Variants in RSF1 observed in about 807,000 individuals in gnomAD.
RSF1 encodes HBV pX-associated protein 8.
RSF1 carries 13 observed loss-of-function variants against 145.2 expected under a neutral mutation model. The ratio of observed to expected loss-of-function variants is 0.09; its 90% CI spans 0.06 to 0.14. RSF1 has a LOEUF of 0.14. RSF1 is among the 10% of genes least tolerant of loss of function. The pLI is 1.00. For missense variants in RSF1, 1,517 were observed against 1,718.2 expected, an observed-to-expected ratio of 0.88 and a Z score of 2.07; for synonymous variants, 577 against 592.6, an observed-to-expected ratio of 0.97 and a Z score of 0.38.
chr11:77,711,500 G>C (rs1438020127), intron 5 of RSF1, among the ~76,000 whole-genome samples: 5 of 151,898 alleles, frequency 3.3e-5, no homozygotes, highest in African/African-American at 4.8e-5. Context: ...AACACCATCT[G>C]TACTAAAAAT....
Position 77,711,707 on chromosome 11 carries a change from T to C in RSF1, c.734-9212A>G, listed in dbSNP as rs552914730. On this transcript the variant is annotated intron_variant, in intron 5 of 15. Transcript: ENST00000308488. ...ACAAACAAACAAACTTAAAGTGCAC[T>C]CTCACCCTACTTTCCCTAATGTTAA... Among the ~76,000 whole-genome samples the C allele has an allele frequency of 7.2e-5, 11 of 151,918 alleles. No homozygotes were observed. The South Asian group carries it at 2.3e-3, about 32-fold the overall frequency.
chr11:77,859,278 G>A, the RSF1 span, among the ~76,000 whole-genome samples: 6 of 152,164 alleles, frequency 3.9e-5, no homozygotes, highest in Admixed American at 1.3e-4. Flanking sequence ...CTGCCTTGCA[G>A]CTCTTTTTGC....
chr11:77,782,022 A>T (rs186571330), intron 1 of RSF1, among the ~76,000 whole-genome samples: 119 of 152,350 alleles, frequency 7.8e-4, no homozygotes, highest in African/African-American at 2.7e-3. Context: ...ATATTAATAT[A>T]GTAATTCCAG....
chr11:77,725,333 T>G, intron 5 of RSF1, among the ~76,000 whole-genome samples: 1 of 152,350 alleles, frequency 6.6e-6, no homozygotes, highest in South Asian at 2.1e-4. Context: ...CATTTTTTAC[T>G]AAGATATTTT....
At position 77,701,539 on chromosome 11, in the gene RSF1, T is replaced by C. The variant is rs1032030239; in HGVS notation, c.1690A>G (p.Met564Val). 3 of 1,614,030 alleles carry C rather than the reference T, an allele frequency of 1.9e-6. No individual in the cohort carries two copies. Among genetic ancestry groups the C allele is most frequent in the Non-Finnish European group, 2.5e-6 (3 of 1,179,984 alleles). The change falls in exon 6 of 16, where the codon ATG becomes GTG. Residue 564 changes from methionine to valine, a missense_variant. Physicochemically the swap from Met to Val is conservative, Grantham distance 21 (BLOSUM62 1). Around this residue, in one of 12 missense-constraint regions of RSF1, gnomAD observed 579 missense variants for 553.5 expected, o/e 1.05. Coordinates refer to ENST00000308488, the MANE Select transcript of RSF1 (RefSeq NM_016578.4). ...TTGGGAGACTTCTCTTCACCTTTCA[T>C]GGTACACGACTCGGTGGAAGATAAA... ...TALSSTESCT[M>V]KGEEKSPKTK...
intron 3 of RSF1, among the ~76,000 whole-genome samples, chr11:77,742,933 A>G (rs554209374): frequency 7.9e-5 from 12 of 152,318 alleles, no homozygotes; most frequent in South Asian, 4.1e-4. Flanking sequence ...GTGTAAGATA[A>G]GGGTCTAATT....
intron 4 of RSF1, among the ~76,000 whole-genome samples, chr11:77,728,732 A>G (rs1048571092): frequency 6.6e-6 from 1 of 152,198 alleles, no homozygotes; most frequent in Admixed American, 6.5e-5. Flanking sequence ...CAAATTATAG[A>G]CACAGAAAGA....
chr11:77,823,214 C>A (rs1260714772), upstream of RSF1, among the ~76,000 whole-genome samples: 726 of 92,696 alleles, frequency 7.8e-3, no homozygotes, highest in South Asian at 0.017. Flanking sequence ...GACTCCGTCT[C>A]AAAAAAAAAA....
intron 1 of RSF1, among the ~76,000 whole-genome samples, chr11:77,796,374 G>T (rs113442914): frequency 0.13 from 19,584 of 152,038 alleles, 1,444 homozygotes; most frequent in Admixed American, 0.2. Context: ...GTCAATAAAC[G>T]TAATTCATCA....
At chr11:77,683,941 T>C in intron 10 of RSF1, 122 bp from the exon 11 acceptor site, 1 of 642,832 alleles carries the variant, frequency 1.6e-6, no homozygotes, top group Non-Finnish European at 2.7e-6. Flanking sequence ...AAGTTTGAGA[T>C]GATCCCCTCC....
Position 77,816,687 on chromosome 11 carries a change from C to T in RSF1, c.187+3841G>A, listed in dbSNP as rs138137938. Among the ~76,000 whole-genome samples the T allele has an allele frequency of 5.8e-3, 878 of 152,242 alleles. 36 individuals are homozygous for T. In the East Asian group the frequency reaches 0.061, roughly 11 times the overall value. On this transcript the variant is annotated intron_variant, in intron 1 of 15. Coordinates refer to ENST00000308488, the MANE Select transcript of RSF1 (RefSeq NM_016578.4). ...TCCTCTTGAAAAGAAATATTCTCTG[C>T]AGGAGAGGAAAGATACTTAGGAGCC...
intron 4 of RSF1, among the ~76,000 whole-genome samples, chr11:77,737,619 GGGGTGTGTGTGTGTGTGTGT>G (rs796857385): frequency 2.8e-4 from 29 of 102,384 alleles, no homozygotes; most frequent in Non-Finnish European, 4.4e-4. Context: ...TGTGTTTTGG[GGGGTGTGTGTGTGTGTGTGT>G]GTGTGTGTGT....
intron 4 of RSF1, among the ~76,000 whole-genome samples, chr11:77,731,157 T>A (rs1217450771): frequency 6.6e-6 from 1 of 152,184 alleles, no homozygotes; most frequent in Admixed American, 6.5e-5. Context: ...AGGCCCAGGC[T>A]GAGGTAGTCT....
At chr11:77,815,376 TA>T (rs747578716) in intron 1 of RSF1, among the ~76,000 whole-genome samples, 2 of 152,102 alleles carry the variant, frequency 1.3e-5, no homozygotes, top group African/African-American at 4.8e-5. Context: ...TACTCTACAA[TA>T]AAAACAGAAA....
Position 77,685,109 on chromosome 11 carries a change from G to T in RSF1, c.2951C>A (p.Pro984Gln). 6.5e-7 allele frequency: 1 copy of T among 1,534,212 alleles called. No individual in the cohort carries two copies. Among genetic ancestry groups the T allele is most frequent in the Non-Finnish European group, 8.8e-7 (1 of 1,138,308 alleles). The change falls in exon 10 of 16, where the codon CCA (proline) becomes CAA (glutamine). Residue 984 changes from proline (P) to glutamine (Q), a missense_variant. Around this residue, in one of 12 missense-constraint regions of RSF1, gnomAD observed 231 missense variants for 276.6 expected, o/e 0.84. Transcript: ENST00000308488. ...CATTACAAATCAGAAACTTACTTGTGGAGGAATGATGTTTTCAATACTGAT... is the reference window on the plus strand; with the variant it reads ...CATTACAAATCAGAAACTTACTTGTTGAGGAATGATGTTTTCAATACTGAT... Reference protein sequence around the residue: ...VGISIENIIPPQEPDFSEDQE... With the variant: ...VGISIENIIPQQEPDFSEDQE...
chr11:77,759,155 C>A (rs950492129), intron 2 of RSF1, among the ~76,000 whole-genome samples: 17 of 152,096 alleles, frequency 1.1e-4, no homozygotes, highest in African/African-American at 4.1e-4. Flanking sequence ...CTGTATTTTG[C>A]AAGCTGTCAT....
intron 2 of RSF1, among the ~76,000 whole-genome samples, chr11:77,751,461 T>A (rs1028780320): frequency 6.6e-6 from 1 of 152,136 alleles, no homozygotes; most frequent in Non-Finnish European, 1.5e-5. Context: ...ATTAAACAAA[T>A]TTAAAATTGT....
chr11:77,760,612 T>C (rs1342181024), intron 2 of RSF1, among the ~76,000 whole-genome samples: 1 of 152,180 alleles, frequency 6.6e-6, no homozygotes, highest in African/African-American at 2.4e-5. Flanking sequence ...CATATAAAAA[T>C]TAAGAGTGTT....
chr11:77,863,929 A>G, the RSF1 span, among the ~76,000 whole-genome samples: 1 of 151,246 alleles, frequency 6.6e-6, no homozygotes, highest in Admixed American at 6.6e-5. Flanking sequence ...CTTCAAGATG[A>G]TCCCTTTTTT....
Sources: allele counts gnomAD v4.1 joint callset (sites outside exome capture counted in the v4.1 genomes callset), GRCh38; gene constraint gnomAD v4.1.1; regional missense constraint gnomAD v4.1.1; transcripts MANE v1.5; gene names NCBI Gene and HGNC (gene_info 2026-07-23, HGNC 2026-07-21).